COL4A4: variants seen among roughly 807,000 people sequenced by gnomAD.
The protein encoded by COL4A4 is collagen alpha-4(IV) chain.
Under a neutral mutation model 192.9 loss-of-function variants are expected in COL4A4, and 105 were observed. That is an observed-to-expected ratio of 0.54 (90% CI 0.46 to 0.64). The LOEUF is 0.64. Ranked by LOEUF, COL4A4 falls within the 30% of genes least tolerant of loss-of-function variation. The probability of loss-of-function intolerance (pLI) is 0.00; values close to 1 mark genes in which losing one functional copy is unlikely to be tolerated. For missense variants in COL4A4, 1,967 were observed against 2,169.3 expected (o/e 0.91, Z 1.85); for synonymous variants, 762 against 769.9 (o/e 0.99, Z 0.17).
the COL4A4 span, among the ~76,000 whole-genome samples, chr2:226,979,724 G>A: frequency 3.3e-5 from 5 of 152,158 alleles, no homozygotes; most frequent in South Asian, 4.1e-4. Context: ...TCTCTCAGTC[G>A]CCTGACTTGA....
At chr2:227,056,539 A>G (rs1490776062) in intron 29 of COL4A4, among the ~76,000 whole-genome samples, 2 of 152,244 alleles carry the variant, frequency 1.3e-5, no homozygotes, top group African/African-American at 4.8e-5. Flanking sequence ...TTTTGCCTCA[A>G]TCTGGTTTTA....
intron 44 of COL4A4, among the ~76,000 whole-genome samples, chr2:227,018,398 A>C (rs1224459868): frequency 6.6e-6 from 1 of 152,246 alleles, no homozygotes; most frequent in Admixed American, 6.5e-5. Flanking sequence ...TTAGGCCCTT[A>C]GAATATACCT....
rs745808085 is a variant in COL4A4 at position 227,030,516 on chromosome 2, T to G, written c.3900A>C (p.Pro1300=). The G allele has an allele frequency of 6.2e-7, 1 of 1,613,934 alleles. No individual in the cohort carries two copies. The highest frequency in any genetic ancestry group is 1.1e-5 in the South Asian group (1 of 91,082). Residue 1300 remains proline (P), a synonymous_variant, in exon 41 of 48, where the codon CCA becomes CCC. Coordinates refer to ENST00000396625, the MANE Select transcript of COL4A4 (RefSeq NM_000092.5). Reference sequence around the variant, plus strand: ...GAGGGCCTGGTGGGCCAGGGGGACCTGGTGGCCCTGGTAGACCACAGTCAC... The same window carrying G: ...GAGGGCCTGGTGGGCCAGGGGGACCGGGTGGCCCTGGTAGACCACAGTCAC... The part of the protein sequence containing the change: ...EPGDCGLPGP[P]GPPGPPGPPG...
At chr2:227,091,459 T>C (rs935421458) in intron 20 of COL4A4, among the ~76,000 whole-genome samples, 2 of 149,242 alleles carry the variant, frequency 1.3e-5, no homozygotes, top group Non-Finnish European at 3.0e-5. Flanking sequence ...ATTGATTTTC[T>C]GACAGATAGA....
chr2:227,012,063 T>C lies in COL4A4; in HGVS notation c.4333+118A>G, dbSNP rs535184975. On this transcript the variant is annotated intron_variant, in intron 45 of 47. Transcript: ENST00000396625. ...GTCTCTGATACCTGGTGAGTCAGCA[T>C]CTAAGGCAAATGATCTGAATAGGAT... The C allele has an allele frequency of 5.2e-5, 42 of 813,254 alleles. No homozygotes were observed. In the South Asian group the frequency reaches 5.9e-4, roughly 11 times the overall value. 50.4% of individuals were successfully genotyped at this position (813,254 alleles called of 1,614,324 possible).
chr2:227,140,228 T>C lies in COL4A4; in HGVS notation c.125A>G (p.Lys42Arg). The change falls in exon 4 of 48, where the codon AAA (lysine) becomes AGA (arginine). Residue 42 changes from lysine (K) to arginine (R), a missense_variant. Lys to Arg is a conservative substitution (Grantham distance 26). Transcript: ENST00000396625. ...SVQYVYGSGKKYIGPCGGRDC... is the reference protein window; with the variant it reads ...SVQYVYGSGKRYIGPCGGRDC... ...TCTTCCTCCACAAGGACCAATGTAT[T>C]TCTTTCCACTCTGGAAAGTGAAGCA... The C allele has an allele frequency of 1.2e-6, 2 of 1,614,100 alleles. No homozygotes were observed. The highest frequency in any genetic ancestry group is 1.7e-6 in the Non-Finnish European group (2 of 1,179,944).
intron 18 of COL4A4, 148 bp from the exon 19 acceptor site, chr2:227,098,946 T>A (rs1004258460): frequency 1.0e-5 from 7 of 676,354 alleles, no homozygotes; most frequent in Non-Finnish European, 1.3e-5. Context: ...ATATCTTAAA[T>A]GTGAACCGCC....
chr2:227,022,388 A>T, intron 43 of COL4A4: 1 of 772,310 alleles, frequency 1.3e-6, no homozygotes, highest in Non-Finnish European at 2.4e-6. Context: ...TACATGAAAA[A>T]ATTCCAGAAT....
At chr2:227,047,264 G>A (rs189309899) in intron 35 of COL4A4, among the ~76,000 whole-genome samples, 1 of 152,128 alleles carries the variant, frequency 6.6e-6, no homozygotes, top group East Asian at 1.9e-4. Context: ...ATGGAAAAAT[G>A]ATTGTGAATC....
chr2:227,008,418 TCGCCAAAGCCTGCTTCTGTGGTGAGGAAG>T, intron 46 of COL4A4, 114 bp from the exon 47 acceptor site: 1 of 1,209,636 alleles, frequency 8.3e-7, no homozygotes, highest in Non-Finnish European at 1.2e-6. Context: ...CTGGAGGCCC[TCGCCAAAGCCTGCTTCTGTGGTGAGGAAG>T]CCATTTCTGA....
At chr2:227,069,777 C>T (rs1329553984) in intron 25 of COL4A4, among the ~76,000 whole-genome samples, 1 of 151,260 alleles carries the variant, frequency 6.6e-6, no homozygotes, top group Non-Finnish European at 1.5e-5. Flanking sequence ...TAGAAGAAAA[C>T]CTAGGCATTA....
chr2:226,967,929 C>CATT, the COL4A4 span, among the ~76,000 whole-genome samples: 1 of 152,148 alleles, frequency 6.6e-6, no homozygotes, highest in African/African-American at 2.4e-5. Flanking sequence ...TGGTAGGTGA[C>CATT]AGTAATATTT....
At chr2:227,120,050 T>C in intron 5 of COL4A4, 111 bp from the exon 6 acceptor site, 2 of 753,636 alleles carry the variant, frequency 2.7e-6, no homozygotes, top group Non-Finnish European at 4.0e-6. Context: ...TGAGCAGTCA[T>C]TGTCACCTAT....
rs199760323 is a variant in COL4A4 at position 227,008,103 on chromosome 2, G to T, written c.4724C>A (p.Ala1575Glu). 9.9e-6 allele frequency: 16 copies of T among 1,614,078 alleles called. No homozygotes were observed. Among genetic ancestry groups the T allele is most frequent in the Non-Finnish European group, 1.4e-5 (16 of 1,180,004 alleles). ...RCAVCEAPAQ[A>E]VAVHSQDQSI... ...CTGGTCCTGGCTGTGCACCGCCACC[G>T]CCTGGGCCGGGGCCTCGCATACCGC... The change falls in exon 47 of 48, where the codon GCG becomes GAG. Residue 1575 changes from alanine to glutamate, a missense_variant. Coordinates refer to ENST00000396625, the MANE Select transcript of COL4A4 (RefSeq NM_000092.5).
At chr2:227,045,050 C>T (rs947708690) in intron 35 of COL4A4, among the ~76,000 whole-genome samples, 2 of 152,006 alleles carry the variant, frequency 1.3e-5, no homozygotes, top group Non-Finnish European at 2.9e-5. Context: ...CATCACAGGC[C>T]CCCATTTTGG....
chr2:227,059,981 G>T (rs1008692057), intron 27 of COL4A4, among the ~76,000 whole-genome samples, 155 bp downstream of exon 27: 10 of 151,704 alleles, frequency 6.6e-5, no homozygotes, highest in African/African-American at 2.2e-4. Context: ...TCACAATATA[G>T]CTAAGGGTCT....
downstream of COL4A4, among the ~76,000 whole-genome samples, chr2:227,001,497 A>C (rs1575654029): frequency 6.6e-6 from 1 of 152,144 alleles, no homozygotes; most frequent in African/African-American, 2.4e-5. Flanking sequence ...AACCCGTAAA[A>C]CAAGGGGCTT....
intron 25 of COL4A4, among the ~76,000 whole-genome samples, chr2:227,072,473 T>C (rs754693868): frequency 5.3e-4 from 81 of 151,656 alleles, no homozygotes; most frequent in Non-Finnish European, 8.4e-4. Flanking sequence ...ACTTAGACAC[T>C]GAGAGAAAAG....
chr2:227,105,579 A>T (rs1178411384), intron 12 of COL4A4, among the ~76,000 whole-genome samples: 1 of 152,206 alleles, frequency 6.6e-6, no homozygotes, highest in Non-Finnish European at 1.5e-5. Flanking sequence ...ATTTTTATTT[A>T]TGCCATGATA....
Sources: allele counts gnomAD v4.1 joint callset (sites outside exome capture counted in the v4.1 genomes callset), GRCh38; gene constraint gnomAD v4.1.1; transcripts MANE v1.5; gene names NCBI Gene and HGNC (gene_info 2026-07-23, HGNC 2026-07-21).